The following ZMAT4 variants were observed in gnomAD, a reference collection of about 807,000 sequenced individuals.
ZMAT4 encodes the protein zinc finger matrin-type 4, also known as zinc finger matrin-type protein 4.
In ZMAT4, 17 loss-of-function variants were observed where a neutral mutation model predicts 28.7. The observed-to-expected ratio is 0.59, with a 90% CI of 0.41 to 0.89. The LOEUF is 0.89. ZMAT4 is among the 40% of genes least tolerant of loss of function. ZMAT4 has a pLI of 0.00. For missense variants in ZMAT4, 240 were observed against 283.8 expected, an observed-to-expected ratio of 0.85 and a Z score of 1.11; for synonymous variants, 117 against 109.2, an observed-to-expected ratio of 1.07 and a Z score of -0.44.
intron 2 of ZMAT4, among the ~76,000 whole-genome samples, chr8:40,803,801 C>A (rs1436784811): frequency 6.6e-6 from 1 of 152,170 alleles, no homozygotes; most frequent in Non-Finnish European, 1.5e-5. Context: ...CAACTTTATT[C>A]ATAATTGCCA....
At chr8:40,699,506 T>C (rs1158239375) in intron 3 of ZMAT4, among the ~76,000 whole-genome samples, 2 of 152,162 alleles carry the variant, frequency 1.3e-5, no homozygotes, top group African/African-American at 4.8e-5. Context: ...ACTTCACTCT[T>C]ATGTTTATTG....
chr8:40,880,436 G>T (rs949642399), intron 1 of ZMAT4, among the ~76,000 whole-genome samples: 77 of 151,488 alleles, frequency 5.1e-4, no homozygotes, highest in African/African-American at 1.7e-3. Flanking sequence ...ACCAATTAAA[G>T]TTCCTTACTG....
rs150702263 is a variant in ZMAT4, at chr8:40,771,341, G to GAA, written c.103-3613_103-3612dup. ...AGATAATACAGGTAGAAAAGAAAAA[G>GAA]AAAAAAAACCCATGATTCATTAGGA... is the stretch of plus-strand genomic sequence containing the variant. On this transcript the variant is annotated intron_variant, in intron 2 of 6. Transcript: ENST00000297737. 3.7e-4 allele frequency among the ~76,000 whole-genome samples: 56 copies of GAA among 150,708 alleles called. 1 individual carries two copies. The highest frequency in any genetic ancestry group is 4.2e-4 in the South Asian group (2 of 4,786).
chr8:40,677,703 T>C (rs898456867), intron 4 of ZMAT4, among the ~76,000 whole-genome samples: 5 of 152,128 alleles, frequency 3.3e-5, no homozygotes, highest in African/African-American at 7.2e-5. Flanking sequence ...CTTACATGCT[T>C]TGGCAGAGTG....
chr8:40,826,625 G>A (rs1456903742), intron 1 of ZMAT4, among the ~76,000 whole-genome samples: 1 of 152,106 alleles, frequency 6.6e-6, no homozygotes, highest in Non-Finnish European at 1.5e-5. Context: ...AACTTTCCTT[G>A]TAACCCCATA....
chr8:40,569,800 CTGCAGGG>C (rs1295471342), intron 6 of ZMAT4, among the ~76,000 whole-genome samples: 1 of 152,140 alleles, frequency 6.6e-6, no homozygotes, highest in Non-Finnish European at 1.5e-5. Context: ...CTGGACCCAA[CTGCAGGG>C]TGGGTCAGCT....
chr8:40,742,775 AC>A lies in ZMAT4; in HGVS notation c.192+24865del, dbSNP rs1438289021. ...CACACACACACACACACACACACAC[AC>A]ACACACACACACACACAAACAGCCG... On this transcript the variant is annotated intron_variant, in intron 3 of 6. Coordinates refer to ENST00000297737, the MANE Select transcript of ZMAT4 (RefSeq NM_024645.3). Among the ~76,000 whole-genome samples the A allele has an allele frequency of 8.2e-3, 1,226 of 149,560 alleles. 10 individuals carry two copies. Among genetic ancestry groups the A allele is most frequent in the African/African-American group, 0.018 (715 of 39,208 alleles).
intron 2 of ZMAT4, among the ~76,000 whole-genome samples, chr8:40,774,223 G>A (rs1813498370): frequency 6.6e-6 from 1 of 152,010 alleles, no homozygotes; most frequent in South Asian, 2.1e-4. Flanking sequence ...AATAGACAAA[G>A]GATAGAAATA....
At chr8:40,709,293 G>A (rs1348623514) in intron 3 of ZMAT4, among the ~76,000 whole-genome samples, 1 of 151,718 alleles carries the variant, frequency 6.6e-6, no homozygotes, top group East Asian at 1.9e-4. Context: ...TTTTTGACCT[G>A]CAGTTGGTTG....
chr8:40,712,086 A>T (rs1376735812), intron 3 of ZMAT4, among the ~76,000 whole-genome samples: 3 of 152,224 alleles, frequency 2.0e-5, no homozygotes, highest in Non-Finnish European at 4.4e-5. Flanking sequence ...GCACACACTA[A>T]AAATTAATTT....
chr8:40,571,513 C>T lies in ZMAT4; in HGVS notation c.674+9652G>A, dbSNP rs78935860. On this transcript the variant is annotated intron_variant, in intron 6 of 6. Coordinates refer to ENST00000297737, the MANE Select transcript of ZMAT4 (RefSeq NM_024645.3). ...ATTTCAATGTTCTACCAATTAAAGA[C>T]AGGGCTAGGTAGAAAGCAGCCTTTG... 1.6e-3 allele frequency among the ~76,000 whole-genome samples: 248 copies of T among 152,234 alleles called. 4 individuals carry two copies. In the East Asian group the frequency reaches 0.04, roughly 25 times the overall value.
chr8:40,785,954 A>T (rs1373309949), intron 2 of ZMAT4, among the ~76,000 whole-genome samples: 2 of 152,016 alleles, frequency 1.3e-5, no homozygotes, highest in Non-Finnish European at 2.9e-5. Flanking sequence ...GAAAACGATG[A>T]CCATTATTTT....
intron 6 of ZMAT4, among the ~76,000 whole-genome samples, chr8:40,561,448 G>A (rs1197871460): frequency 6.6e-6 from 1 of 152,096 alleles, no homozygotes; most frequent in Non-Finnish European, 1.5e-5. Flanking sequence ...GCTTCCACAT[G>A]TAAGCACCAG....
intron 3 of ZMAT4, among the ~76,000 whole-genome samples, chr8:40,757,137 C>A (rs955328303): frequency 1.3e-5 from 2 of 152,154 alleles, no homozygotes; most frequent in African/African-American, 4.8e-5. Flanking sequence ...GAGAAGGACA[C>A]TTGTTCATAG....
chr8:40,854,434 G>A (rs1197463402), intron 1 of ZMAT4, among the ~76,000 whole-genome samples: 2 of 152,196 alleles, frequency 1.3e-5, no homozygotes, highest in African/African-American at 4.8e-5. Flanking sequence ...TAGCAGATTG[G>A]TAAAACAGCT....
At chr8:40,565,728 C>T (rs1001885395) in intron 6 of ZMAT4, among the ~76,000 whole-genome samples, 2 of 151,522 alleles carry the variant, frequency 1.3e-5, no homozygotes, top group Non-Finnish European at 2.9e-5. Context: ...CCTAAGCCTG[C>T]CTTCTTTCCC....
chr8:40,613,492 C>T (rs1404578374), intron 5 of ZMAT4, among the ~76,000 whole-genome samples: 1 of 151,944 alleles, frequency 6.6e-6, no homozygotes, highest in African/African-American at 2.4e-5. Flanking sequence ...CCTCACCTGC[C>T]CATTCAAATT....
At chr8:40,823,926 T>A (rs759849390) in intron 2 of ZMAT4, among the ~76,000 whole-genome samples, 1 of 152,202 alleles carries the variant, frequency 6.6e-6, no homozygotes, top group Admixed American at 6.5e-5. Flanking sequence ...TGCAAAGGAA[T>A]TAATGATGAA....
At chr8:40,817,841 G>C (rs1815605037) in intron 2 of ZMAT4, among the ~76,000 whole-genome samples, 1 of 152,152 alleles carries the variant, frequency 6.6e-6, no homozygotes. Flanking sequence ...TGGCCAGAAG[G>C]GCAGACCATG....
Sources: allele counts gnomAD v4.1 joint callset (sites outside exome capture counted in the v4.1 genomes callset), GRCh38; gene constraint gnomAD v4.1.1; transcripts MANE v1.5; gene names NCBI Gene and HGNC (gene_info 2026-07-23, HGNC 2026-07-21).